The following GRIN3A variants were observed in gnomAD, a reference collection of about 807,000 sequenced individuals.
GRIN3A encodes glutamate receptor ionotropic, NMDA 3A.
A neutral mutation model predicts 92.4 loss-of-function variants in GRIN3A; 47 were observed. The ratio of observed to expected loss-of-function variants is 0.51; its 90% CI spans 0.40 to 0.65. The LOEUF (loss-of-function observed/expected upper bound fraction) is 0.65, where lower values mean the gene tolerates loss of function less well. GRIN3A is among the 30% of genes least tolerant of loss of function. GRIN3A has a pLI of 0.00. For missense variants in GRIN3A, 1,324 were observed against 1,393.1 expected, an observed-to-expected ratio of 0.95 and a Z score of 0.79; for synonymous variants, 527 against 540.6, an observed-to-expected ratio of 0.97 and a Z score of 0.35.
chr9:101,695,118 A>G (rs1829668789), intron 1 of GRIN3A, among the ~76,000 whole-genome samples: 1 of 152,240 alleles, frequency 6.6e-6, no homozygotes, highest in Admixed American at 6.5e-5. Flanking sequence ...TATGCAAAGC[A>G]TCAGTACAGT....
At chr9:101,605,988 T>C (rs1185789957) in intron 6 of GRIN3A, among the ~76,000 whole-genome samples, 3 of 152,212 alleles carry the variant, frequency 2.0e-5, no homozygotes, top group African/African-American at 7.2e-5. Context: ...CTCAAGGACA[T>C]AGAACTGCCT....
chr9:101,734,157 A>G (rs1830173293), intron 1 of GRIN3A, among the ~76,000 whole-genome samples: 1 of 152,236 alleles, frequency 6.6e-6, no homozygotes, highest in Non-Finnish European at 1.5e-5. Context: ...TTAGGGAGTT[A>G]ACTTTGAAGA....
At chr9:101,666,953 A>G (rs550060622) in intron 3 of GRIN3A, among the ~76,000 whole-genome samples, 9 of 152,158 alleles carry the variant, frequency 5.9e-5, no homozygotes, top group African/African-American at 1.9e-4. Flanking sequence ...CAGCCATCCT[A>G]AATGGATACC....
intron 8 of GRIN3A, among the ~76,000 whole-genome samples, chr9:101,576,521 A>G (rs535476177): frequency 1.2e-4 from 19 of 152,240 alleles, no homozygotes; most frequent in Non-Finnish European, 2.1e-4. Context: ...ATCATATCAC[A>G]GTTGGAGATG....
intron 5 of GRIN3A, among the ~76,000 whole-genome samples, chr9:101,617,283 T>G (rs1471702155): frequency 6.6e-6 from 1 of 151,706 alleles, no homozygotes; most frequent in Non-Finnish European, 1.5e-5. Flanking sequence ...GATGGCATCT[T>G]GAATTGGTTC....
At chr9:101,676,976 C>T (rs991524606) in intron 2 of GRIN3A, among the ~76,000 whole-genome samples, 2 of 151,438 alleles carry the variant, frequency 1.3e-5, no homozygotes, top group African/African-American at 4.8e-5. Flanking sequence ...TCACATTCTC[C>T]AGAGTTCTAC....
At chr9:101,648,082 C>T (rs1564134906) in intron 3 of GRIN3A, among the ~76,000 whole-genome samples, 1 of 151,474 alleles carries the variant, frequency 6.6e-6, no homozygotes, top group Non-Finnish European at 1.5e-5. Context: ...GGAAATCTTG[C>T]TTTTTTGGTG....
At chr9:101,586,590 C>G (rs923338776) in intron 6 of GRIN3A, among the ~76,000 whole-genome samples, 3 of 152,098 alleles carry the variant, frequency 2.0e-5, no homozygotes, top group Non-Finnish European at 2.9e-5. Flanking sequence ...ATCTAGGGAT[C>G]TACTGTTGAA....
chr9:101,649,795 G>A lies in GRIN3A; in HGVS notation c.2352+20265C>T, dbSNP rs984924048. Among the ~76,000 whole-genome samples, 38 of 151,982 alleles carry A rather than the reference G, an allele frequency of 2.5e-4. 1 individual carries two copies. The highest frequency in any genetic ancestry group is 2.4e-3 in the Admixed American group (37 of 15,228). On this transcript the variant is annotated intron_variant, in intron 3 of 8. Transcript: ENST00000361820. The stretch of plus-strand genomic sequence containing the variant: ...CTGCCGTTTTGCTGATGTCACTGAT[G>A]CACACCAGGGCTTAACCTAGATGTC...
intron 5 of GRIN3A, among the ~76,000 whole-genome samples, chr9:101,615,061 G>A (rs1828425152): frequency 6.6e-6 from 1 of 151,994 alleles, no homozygotes. Context: ...TTATTAGTCA[G>A]CTTAGACTCT....
intron 1 of GRIN3A, among the ~76,000 whole-genome samples, chr9:101,727,724 CCA>C (rs944492507): frequency 2.0e-5 from 3 of 151,608 alleles, no homozygotes; most frequent in Non-Finnish European, 2.9e-5. Flanking sequence ...TCTACATTTT[CCA>C]CAGTCAAAAG....
At chr9:101,732,814 A>G (rs1016115200) in intron 1 of GRIN3A, among the ~76,000 whole-genome samples, 19 of 152,316 alleles carry the variant, frequency 1.2e-4, no homozygotes, top group Middle Eastern at 3.4e-3. Flanking sequence ...TTGATTCACA[A>G]CATCTTTGTC....
rs914195159 is a variant in GRIN3A at position 101,586,489 on chromosome 9, A to G, written c.2767-7129T>C. The stretch of plus-strand genomic sequence containing the variant: ...AAGCTTCCTAGAACAGTTGTTTAAG[A>G]GAGAAGGGTGGAGATGGACATTCTC... On this transcript the variant is annotated intron_variant, in intron 6 of 8. Transcript: ENST00000361820. Among the ~76,000 whole-genome samples the G allele has an allele frequency of 5.9e-5, 9 of 152,162 alleles. 1 individual carries two copies. Among genetic ancestry groups the G allele is most frequent in the Non-Finnish European group, 1.2e-4 (8 of 68,044 alleles).
At chr9:101,732,796 T>C (rs1292916911) in intron 1 of GRIN3A, among the ~76,000 whole-genome samples, 1 of 152,224 alleles carries the variant, frequency 6.6e-6, no homozygotes, top group East Asian at 1.9e-4. Context: ...GTACTTTTAC[T>C]TTCTCATTTG....
intron 3 of GRIN3A, among the ~76,000 whole-genome samples, chr9:101,651,636 T>TTGTGTGTGTGTGTGTGTGTG (rs57126529): frequency 6.9e-6 from 1 of 145,944 alleles, no homozygotes; most frequent in Non-Finnish European, 1.5e-5. Context: ...AATAAATCCA[T>TTGTGTGTGTGTGTGTGTGTG]TGTGTGTGTG....
At chr9:101,672,426 A>T (rs1474380895) in intron 2 of GRIN3A, among the ~76,000 whole-genome samples, 1 of 152,176 alleles carries the variant, frequency 6.6e-6, no homozygotes, top group East Asian at 1.9e-4. Flanking sequence ...AAAGTATTGC[A>T]TTATGATAAA....
rs1002678922 is a variant in GRIN3A, at chr9:101,643,748, A to C, written c.2353-15347T>G. 1.3e-5 allele frequency among the ~76,000 whole-genome samples: 2 copies of C among 151,226 alleles called. 1 individual carries two copies. Among genetic ancestry groups the C allele is most frequent in the Admixed American group, 1.3e-4 (2 of 15,068 alleles). On this transcript the variant is annotated intron_variant, in intron 3 of 8. Transcript: ENST00000361820. ...ACGGAAGGAAATAATGCTGTTTATG[A>C]CAACACGGGTGAACTCAGAGGATAT...
intron 1 of GRIN3A, among the ~76,000 whole-genome samples, chr9:101,714,433 G>A (rs953471547): frequency 4.6e-5 from 7 of 152,164 alleles, no homozygotes; most frequent in African/African-American, 1.7e-4. Context: ...AAATCTTACA[G>A]GATATAGAAC....
chr9:101,669,050 G>A (rs1395569985), intron 3 of GRIN3A, among the ~76,000 whole-genome samples: 1 of 152,126 alleles, frequency 6.6e-6, no homozygotes, highest in African/African-American at 2.4e-5. Flanking sequence ...CTTTAGACAT[G>A]GTATGTCCTG....
Sources: allele counts gnomAD v4.1 joint callset (sites outside exome capture counted in the v4.1 genomes callset), GRCh38; gene constraint gnomAD v4.1.1; transcripts MANE v1.5; gene names NCBI Gene and HGNC (gene_info 2026-07-23, HGNC 2026-07-21).